Variants in TBC1D8 observed in about 807,000 individuals in gnomAD.
The protein encoded by TBC1D8 is TBC1 domain family member 8, also known as BUB2-like protein 1.
Under a neutral mutation model 118.8 loss-of-function variants are expected in TBC1D8, and 65 were observed. The ratio of observed to expected loss-of-function variants is 0.55; its 90% CI spans 0.45 to 0.67. The LOEUF (loss-of-function observed/expected upper bound fraction) is 0.67, where lower values mean the gene tolerates loss of function less well. TBC1D8 is among the 30% of genes least tolerant of loss of function. The probability of loss-of-function intolerance (pLI) is 0.00; values close to 1 mark genes in which losing one functional copy is unlikely to be tolerated. For missense variants in TBC1D8, 1,376 were observed against 1,471.2 expected (o/e 0.94, Z 1.06); for synonymous variants, 566 against 595.8 (o/e 0.95, Z 0.73).
chr2:101,138,627 T>A (rs1678962411), intron 1 of TBC1D8, among the ~76,000 whole-genome samples: 1 of 152,130 alleles, frequency 6.6e-6, no homozygotes, highest in Non-Finnish European at 1.5e-5. Flanking sequence ...CAGCTTATTA[T>A]GTAATAAAGA....
intron 2 of TBC1D8, among the ~76,000 whole-genome samples, chr2:101,088,598 G>A (rs1300506518): frequency 6.6e-6 from 1 of 151,988 alleles, no homozygotes; most frequent in East Asian, 1.9e-4. Flanking sequence ...TCTTTTTTAA[G>A]AAATGGGCTC....
chr2:101,104,989 C>G (rs1004913639), intron 1 of TBC1D8, among the ~76,000 whole-genome samples: 1 of 147,200 alleles, frequency 6.8e-6, no homozygotes, highest in African/African-American at 2.5e-5. Context: ...CACACCATTG[C>G]ACTCCAGCCT....
rs188822583 is a variant in TBC1D8 at position 101,073,898 on chromosome 2, C to G, written c.284-14359G>C. Among the ~76,000 whole-genome samples the G allele has an allele frequency of 1.7e-3, 261 of 152,352 alleles. 3 individuals carry two copies. Among genetic ancestry groups the G allele is most frequent in the East Asian group, 4.2e-3 (22 of 5,186 alleles). ...GTTGTGGCTTGTTTGGTCTTCTATA[C>G]AGACCACAAAAACTTTCTCCATAGA... is the stretch of plus-strand genomic sequence containing the variant. On this transcript the variant is annotated intron_variant, in intron 2 of 19. Transcript: ENST00000409318.
Position 101,011,388 on chromosome 2 carries a change from C to T in TBC1D8, c.2917+63G>A, listed in dbSNP as rs553876448. On this transcript the variant is annotated intron_variant, in intron 18 of 19. Transcript: ENST00000409318. ...CTACAAGAAGAGGGATGAGGGCAAC[C>T]CCGGTGCCTCCCGCCACTGCAGTGG... 321 of 1,544,734 alleles carry T rather than the reference C, an allele frequency of 2.1e-4. 3 individuals carry two copies. The Middle Eastern group carries it at 6.5e-3, about 31-fold the overall frequency.
intron 1 of TBC1D8, among the ~76,000 whole-genome samples, chr2:101,139,337 A>C (rs1487681742): frequency 3.4e-5 from 5 of 147,448 alleles, no homozygotes; most frequent in East Asian, 2.0e-4. Context: ...AAAAAAAAAA[A>C]CACCACCACA....
At chr2:101,012,795 AAATC>A (rs1365017009) in intron 17 of TBC1D8, among the ~76,000 whole-genome samples, 3 of 150,960 alleles carry the variant, frequency 2.0e-5, no homozygotes, top group Non-Finnish European at 4.5e-5. Flanking sequence ...CACTGAAAAT[AAATC>A]AAAGGCAAAA....
intron 1 of TBC1D8, 118 bp downstream of exon 1, chr2:101,151,009 G>T: frequency 1.4e-6 from 1 of 730,150 alleles, no homozygotes; most frequent in Non-Finnish European, 1.7e-6. Context: ...GGCCGTCCGG[G>T]CCCCGCGTCT....
chr2:101,068,531 T>A, intron 2 of TBC1D8: 1 of 512,436 alleles, frequency 2.0e-6, no homozygotes, highest in Non-Finnish European at 3.6e-6. Context: ...AGTGGTGGTA[T>A]GTAAACCCAA....
chr2:101,055,270 T>A (rs1014216137), intron 3 of TBC1D8, among the ~76,000 whole-genome samples: 19 of 151,550 alleles, frequency 1.3e-4, no homozygotes, highest in African/African-American at 4.6e-4. Flanking sequence ...GCACCTGCAA[T>A]CCCAGCTACT....
intron 2 of TBC1D8, among the ~76,000 whole-genome samples, chr2:101,085,236 G>C (rs1675533524): frequency 6.6e-6 from 1 of 152,062 alleles, no homozygotes; most frequent in Non-Finnish European, 1.5e-5. Flanking sequence ...ATAAAGGATT[G>C]GATGAGTAAA....
At position 101,127,529 on chromosome 2, in the gene TBC1D8, G is replaced by C. The variant is rs201980313; in HGVS notation, c.127+23598C>G. 2.0e-5 allele frequency among the ~76,000 whole-genome samples: 3 copies of C among 152,102 alleles called. No homozygotes were observed. The East Asian group carries it at 5.8e-4, about 29-fold the overall frequency. On this transcript the variant is annotated intron_variant, in intron 1 of 19. Transcript: ENST00000409318. ...GAAAGCACTCTGCAATCAAAAGAAG[G>C]CTACCCACAAACCTAACACTTTTTT...
At chr2:101,109,695 C>G in intron 1 of TBC1D8, 2 of 643,616 alleles carry the variant, frequency 3.1e-6, no homozygotes, top group Non-Finnish European at 3.9e-6. Flanking sequence ...TGGGATGAAG[C>G]AGCTGAGGCC....
intron 5 of TBC1D8, among the ~76,000 whole-genome samples, chr2:101,042,008 C>T (rs1408303584): frequency 6.6e-6 from 1 of 151,326 alleles, no homozygotes; most frequent in African/African-American, 2.4e-5. Context: ...CTGGGCGACA[C>T]AGTGAGACCC....
At chr2:101,075,923 G>T (rs534660366) in intron 2 of TBC1D8, among the ~76,000 whole-genome samples, 1 of 152,042 alleles carries the variant, frequency 6.6e-6, no homozygotes, top group Admixed American at 6.6e-5. Context: ...TTCTTTCAAC[G>T]TTTCTGTATG....
chr2:101,143,791 G>A (rs1182065087), intron 1 of TBC1D8, among the ~76,000 whole-genome samples: 1 of 152,166 alleles, frequency 6.6e-6, no homozygotes, highest in African/African-American at 2.4e-5. Context: ...TAAACTCCTG[G>A]GCTCAAGCAA....
chr2:101,028,563 C>T, intron 12 of TBC1D8, 131 bp from the exon 13 acceptor site: 1 of 1,326,870 alleles, frequency 7.5e-7, no homozygotes, highest in Non-Finnish European at 1.0e-6. Context: ...AAGGCTGCAG[C>T]TGCTCGGCTT....
Position 101,032,311 on chromosome 2 carries a change from C to T in TBC1D8, c.1893G>A (p.Val631=), listed in dbSNP as rs369454442. 2.7e-5 allele frequency: 43 copies of T among 1,613,780 alleles called. No homozygotes were observed. Among genetic ancestry groups the T allele is most frequent in the Non-Finnish European group, 3.6e-5 (42 of 1,179,832 alleles). Residue 631 remains valine, a synonymous_variant, in exon 11 of 20, where the codon GTG becomes GTA. Coordinates refer to ENST00000409318, the MANE Select transcript of TBC1D8 (RefSeq NM_001330348.2). ...AGTAATCGGGCAGCATCCGCTCACA[C>T]ACAGCAACCAACAGCCAGAAGGCTT... ...EEEAFWLLVA[V]CERMLPDYFN... is the part of the protein sequence containing the mutation.
At chr2:101,038,123 G>A (rs531762970) in intron 7 of TBC1D8, among the ~76,000 whole-genome samples, 1 of 152,166 alleles carries the variant, frequency 6.6e-6, no homozygotes, top group Non-Finnish European at 1.5e-5. Flanking sequence ...CCAGGCCCCA[G>A]CCACCCCGGG....
At chr2:101,046,476 G>A (rs1472530491) in intron 5 of TBC1D8, among the ~76,000 whole-genome samples, 2 of 152,188 alleles carry the variant, frequency 1.3e-5, no homozygotes, top group Non-Finnish European at 2.9e-5. Context: ...TTGGGGACTG[G>A]GGTTGTGGAG....
Sources: gnomAD v4.1 joint callset for allele counts (sites outside exome capture counted in the v4.1 genomes callset) on GRCh38, gnomAD v4.1.1 for gene constraint, MANE v1.5 for transcripts, NCBI Gene and HGNC (gene_info 2026-07-23, HGNC 2026-07-21) for gene names.